Variants in TLK2 observed in about 807,000 individuals in gnomAD.
TLK2 encodes tousled like kinase 2, also known as serine/threonine-protein kinase tousled-like 2.
Under a neutral mutation model 117.3 loss-of-function variants are expected in TLK2, and 6 were observed. The observed-to-expected ratio is 0.05, with a 90% CI of 0.03 to 0.10. TLK2 has a LOEUF of 0.10. Ranked by LOEUF, TLK2 falls within the 10% of genes least tolerant of loss-of-function variation. The pLI, the probability that TLK2 is intolerant of heterozygous loss-of-function variation, is 1.00. For synonymous variants in TLK2, 257 were observed against 316.7 expected (o/e 0.81, Z 2.00); for missense variants, 299 against 901.2 (o/e 0.33, Z 8.56).
intron 7 of TLK2, among the ~76,000 whole-genome samples, chr17:62,544,115 C>T (rs551686348): frequency 1.1e-3 from 175 of 152,228 alleles, no homozygotes; most frequent in African/African-American, 4.0e-3. Context: ...CTGTCGGCAC[C>T]GTTTTCAAAA....
chr17:62,569,025 G>C (rs545028087), intron 11 of TLK2, among the ~76,000 whole-genome samples: 41 of 81,732 alleles, frequency 5.0e-4, no homozygotes, highest in African/African-American at 2.0e-3. Flanking sequence ...CATCTGGGCT[G>C]GTTGTGGTGT....
rs1005016581 is a variant in TLK2 at position 62,479,173 on chromosome 17, A to C, written c.-123A>C. 2.0e-5 allele frequency: 3 copies of C among 151,098 alleles called. No individual in the cohort carries two copies. The highest frequency in any genetic ancestry group is 7.3e-5 in the African/African-American group (3 of 41,126). 9.4% of individuals were successfully genotyped at this position (151,098 alleles called of 1,614,324 possible). ...GCCCGGGCGGGGGGTTGCGGCGCTC[A>C]GGAGAGGCCCCGGCTCCGCCCCGGG... On this transcript the variant is annotated 5_prime_UTR_variant, in exon 1 of 22. Coordinates refer to ENST00000346027, the MANE Select transcript of TLK2 (RefSeq NM_006852.6).
rs1272747477 is a variant in TLK2 at position 62,492,801 on chromosome 17, AAAT to A, written c.81+11601_81+11603del. 2.6e-5 allele frequency among the ~76,000 whole-genome samples: 4 copies of A among 152,046 alleles called. No homozygotes were observed. In the East Asian group the frequency reaches 7.7e-4, roughly 29 times the overall value. On this transcript the variant is annotated intron_variant, in intron 2 of 21. Coordinates refer to ENST00000346027, the MANE Select transcript of TLK2 (RefSeq NM_006852.6). ...CCCAAATCGTAACTCCATGCCCATTAAATAATAACTCCCAGGCCAGGCACAATG... is the reference window on the plus strand; with the variant it reads ...CCCAAATCGTAACTCCATGCCCATTAAATAACTCCCAGGCCAGGCACAATG...
intron 7 of TLK2, among the ~76,000 whole-genome samples, chr17:62,541,969 T>C (rs906696291): frequency 9.2e-5 from 14 of 152,346 alleles, no homozygotes; most frequent in Non-Finnish European, 1.5e-4. Flanking sequence ...GAATAAGATA[T>C]CTGAGCTGAC....
At chr17:62,555,825 C>T (rs1315898847) in intron 9 of TLK2, among the ~76,000 whole-genome samples, 1 of 151,904 alleles carries the variant, frequency 6.6e-6, no homozygotes, top group Non-Finnish European at 1.5e-5. Context: ...CTCACTCTGT[C>T]ACCCAGGCTG....
At chr17:62,533,367 G>GGTGT (rs369887924) in intron 6 of TLK2, among the ~76,000 whole-genome samples, 4,659 of 110,956 alleles carry the variant, frequency 0.042, 638 homozygotes, top group African/African-American at 0.14. Context: ...TCCTATACGG[G>GGTGT]GTGTGTGTGT....
Position 62,614,952 on chromosome 17 carries a change from G to C in TLK2, c.*2387G>C, listed in dbSNP as rs1471829145. The C allele has an allele frequency of 6.6e-6, 1 of 151,748 alleles. No homozygotes were observed. Among genetic ancestry groups the C allele is most frequent in the African/African-American group, 2.4e-5 (1 of 41,140 alleles). 9.4% of individuals were successfully genotyped at this position (151,748 alleles called of 1,614,324 possible). A position where few individuals can be genotyped will look rare whatever the true frequency, so the allele number is the denominator to read the frequency against. ...TCTCCAATGATCTTGCAGTTGATTT[G>C]TTTGTTTTTTAATTTTTTAACATTT... On this transcript the variant is annotated 3_prime_UTR_variant, in exon 22 of 22. Coordinates refer to ENST00000346027, the MANE Select transcript of TLK2 (RefSeq NM_006852.6).
intron 16 of TLK2, among the ~76,000 whole-genome samples, chr17:62,594,762 C>G (rs974757926): frequency 1.3e-5 from 2 of 151,550 alleles, no homozygotes; most frequent in African/African-American, 2.4e-5. Flanking sequence ...CCACCCTAGA[C>G]AGGATGCCAT....
Position 62,612,603 on chromosome 17 carries a change from A to G in TLK2, c.*38A>G. The G allele has an allele frequency of 1.3e-6, 2 of 1,566,584 alleles. No individual in the cohort carries two copies. The highest frequency in any genetic ancestry group is 2.3e-5 in the East Asian group (1 of 43,834). On this transcript the variant is annotated 3_prime_UTR_variant, in exon 22 of 22. Transcript: ENST00000346027. ...GGCCACAAACTGTTCAACACACACAAAGTGGACAAATGGCGTTCAGCAGCG... is the reference window on the plus strand; with the variant it reads ...GGCCACAAACTGTTCAACACACACAGAGTGGACAAATGGCGTTCAGCAGCG...
intron 2 of TLK2, among the ~76,000 whole-genome samples, chr17:62,485,657 T>G (rs1475096884): frequency 2.0e-5 from 3 of 149,328 alleles, no homozygotes; most frequent in Non-Finnish European, 4.4e-5. Context: ...ATTGACGTTT[T>G]CTGTCATGAA....
intron 11 of TLK2, among the ~76,000 whole-genome samples, chr17:62,569,740 T>A (rs1200941821): frequency 1.3e-5 from 2 of 152,148 alleles, no homozygotes; most frequent in South Asian, 2.1e-4. Flanking sequence ...TTTTTTAAAA[T>A]ACCTTTACTA....
At chr17:62,507,649 T>C (rs2598134) in intron 2 of TLK2, among the ~76,000 whole-genome samples, 1 of 152,204 alleles carries the variant, frequency 6.6e-6, no homozygotes, top group African/African-American at 2.4e-5. Context: ...ATGAAAACTT[T>C]AGAAACTCAG....
At chr17:62,604,141 T>G (rs1388672878) in intron 19 of TLK2, among the ~76,000 whole-genome samples, 2 of 151,614 alleles carry the variant, frequency 1.3e-5, no homozygotes, top group Admixed American at 6.6e-5. Flanking sequence ...AGTAGCTGGG[T>G]TTACATGCAC....
chr17:62,545,254 T>C (rs1281952440), intron 7 of TLK2, among the ~76,000 whole-genome samples: 1 of 152,350 alleles, frequency 6.6e-6, no homozygotes, highest in East Asian at 1.9e-4. Flanking sequence ...CTCGAACTCC[T>C]GATCTTGTGA....
At chr17:62,536,448 T>G in intron 7 of TLK2, 111 bp downstream of exon 7, 1 of 1,224,072 alleles carries the variant, frequency 8.2e-7, no homozygotes, top group Non-Finnish European at 1.1e-6. Context: ...AATACTTTTT[T>G]TTAAAATGTG....
In TLK2 at chr17:62,516,264, CTTTTTTT is replaced by C. The variant is rs34931247; in HGVS notation, c.82-4499_82-4493del. The C allele has an allele frequency of 5.5e-5, 39 of 710,454 alleles. No homozygotes were observed. In the African/African-American group the frequency reaches 7.0e-4, roughly 13 times the overall value. 44.0% of individuals were successfully genotyped at this position (710,454 alleles called of 1,614,324 possible). A position where few individuals can be genotyped will look rare whatever the true frequency, so the allele number is the denominator to read the frequency against. On this transcript the variant is annotated intron_variant, in intron 2 of 21. Coordinates refer to ENST00000346027, the MANE Select transcript of TLK2 (RefSeq NM_006852.6). ...CTAAGAGTTGATTATAGTTTTAGTT[CTTTTTTT>C]TTTTTTTTTGGCTGTAAATTTATTC...
At chr17:62,513,611 CAG>C (rs1277776994) in intron 2 of TLK2, among the ~76,000 whole-genome samples, 1 of 152,140 alleles carries the variant, frequency 6.6e-6, no homozygotes, top group Non-Finnish European at 1.5e-5. Flanking sequence ...GTTGGGATCA[CAG>C]GGGTGAACCC....
At chr17:62,573,145 T>C (rs990276962) in intron 11 of TLK2, 70 bp from the exon 12 acceptor site, 91 of 1,487,034 alleles carry the variant, frequency 6.1e-5, no homozygotes, top group Non-Finnish European at 7.7e-5. Context: ...AGTGACAAAT[T>C]GTGTGTGTTC....
At chr17:62,495,700 C>G (rs1288050486) in intron 2 of TLK2, among the ~76,000 whole-genome samples, 1 of 147,810 alleles carries the variant, frequency 6.8e-6, no homozygotes, top group Non-Finnish European at 1.5e-5. Context: ...ACTCTGTCAC[C>G]CAGGCTGGAG....
Sources: allele counts gnomAD v4.1 joint callset (sites outside exome capture counted in the v4.1 genomes callset), GRCh38; gene constraint gnomAD v4.1.1; transcripts MANE v1.5; gene names NCBI Gene and HGNC (gene_info 2026-07-23, HGNC 2026-07-21).